AKAP13: variants seen among roughly 807,000 people sequenced by gnomAD.
AKAP13 encodes the protein A-kinase anchoring protein 13, also known as A-kinase anchor protein 13.
In AKAP13, 80 loss-of-function variants were observed where a neutral mutation model predicts 264.5. That is an observed-to-expected ratio of 0.30 (90% CI 0.25 to 0.36). The LOEUF is 0.36. Among genes scored for constraint, AKAP13 ranks in the 10% least tolerant of loss-of-function variants. The pLI is 1.00. For synonymous variants in AKAP13, 1,380 were observed against 1,250.2 expected (o/e 1.10, Z -2.19); for missense variants, 3,712 against 3,435.2 (o/e 1.08, Z -2.01).
chr15:85,596,119 G>C (rs1350293938), intron 8 of AKAP13, among the ~76,000 whole-genome samples: 1 of 152,172 alleles, frequency 6.6e-6, no homozygotes, highest in African/African-American at 2.4e-5. Flanking sequence ...AAGAAAGTTA[G>C]TTGATGGTGA....
intron 1 of AKAP13, among the ~76,000 whole-genome samples, chr15:85,399,234 C>T (rs534412665): frequency 7.9e-5 from 12 of 152,026 alleles, no homozygotes; most frequent in Non-Finnish European, 1.6e-4. Flanking sequence ...CGGTGGCTCA[C>T]GCCTGTAATC....
chr15:85,394,297 T>A (rs2071010620), intron 1 of AKAP13, among the ~76,000 whole-genome samples: 1 of 152,176 alleles, frequency 6.6e-6, no homozygotes, highest in South Asian at 2.1e-4. Flanking sequence ...GTTTTTTGGG[T>A]GTATATCTTC....
chr15:85,415,335 A>T (rs2072191137), intron 1 of AKAP13: 8 of 1,577,822 alleles, frequency 5.1e-6, no homozygotes, highest in Non-Finnish European at 6.1e-6. Flanking sequence ...AAAAATGGAC[A>T]CAATAGCCAA....
In AKAP13 at chr15:85,740,323, G is replaced by C. The variant is rs374090715; in HGVS notation, c.7608+51G>C. 1.4e-4 allele frequency: 224 copies of C among 1,598,450 alleles called. No individual in the cohort carries two copies. In the Middle Eastern group the frequency reaches 1.6e-3, roughly 11 times the overall value. The stretch of plus-strand genomic sequence containing the variant: ...GCGTTTATTTGTCTAGAGAACAGCA[G>C]CTTGGGGCTGTTGTTGACTTGGATC... On this transcript the variant is annotated intron_variant, in intron 34 of 36. Coordinates refer to ENST00000394518, the MANE Select transcript of AKAP13 (RefSeq NM_007200.5).
In AKAP13 at chr15:85,401,061, C is replaced by G. The variant is rs115175243; in HGVS notation, c.-12+20263C>G. Among the ~76,000 whole-genome samples the G allele has an allele frequency of 4.7e-3, 716 of 151,838 alleles. 7 individuals carry two copies. Among genetic ancestry groups the G allele is most frequent in the African/African-American group, 0.017 (686 of 41,396 alleles). On this transcript the variant is annotated intron_variant, in intron 1 of 36. Transcript: ENST00000394518. ...ATTTTTATTGGAGATTGGGTTTTAC[C>G]ATGTTCGTCAAGCTGATCTCAAACT...
chr15:85,443,821 G>T (rs1470411614), intron 1 of AKAP13, among the ~76,000 whole-genome samples: 1 of 151,280 alleles, frequency 6.6e-6, no homozygotes, highest in Non-Finnish European at 1.5e-5. Flanking sequence ...TCTGGAGCCT[G>T]ATTTTTCCTT....
intron 33 of AKAP13, among the ~76,000 whole-genome samples, chr15:85,736,482 C>T (rs536421530): frequency 2.0e-5 from 3 of 152,198 alleles, no homozygotes; most frequent in Admixed American, 6.5e-5. Context: ...TCGCCCAGCT[C>T]GCTGCAACCT....
chr15:85,639,522 G>C, intron 9 of AKAP13, 73 bp downstream of exon 9: 1 of 1,104,012 alleles, frequency 9.1e-7, no homozygotes, highest in Non-Finnish European at 1.4e-6. Flanking sequence ...TTGGAGATCT[G>C]CCCTTCCTTA....
At chr15:85,627,399 G>A (rs139484121) in intron 8 of AKAP13, among the ~76,000 whole-genome samples, 5 of 151,978 alleles carry the variant, frequency 3.3e-5, no homozygotes, top group East Asian at 1.9e-4. Flanking sequence ...CCTTTTATGT[G>A]CTTCCCAGTC....
chr15:85,736,059 T>G, intron 32 of AKAP13, 31 bp from the exon 33 acceptor site: 1 of 1,529,770 alleles, frequency 6.5e-7, no homozygotes, highest in Non-Finnish European at 9.0e-7. Flanking sequence ...AAGATCTTCA[T>G]TTTTTTATAT....
At chr15:85,554,021 C>T (rs544216936) in intron 5 of AKAP13, among the ~76,000 whole-genome samples, 3 of 152,204 alleles carry the variant, frequency 2.0e-5, no homozygotes, top group East Asian at 3.9e-4. Context: ...TGCTGGGGAC[C>T]GCTGGTTTAG....
At position 85,581,801 on chromosome 15, in the gene AKAP13, G is replaced by A; in HGVS notation, c.3733G>A (p.Ala1245Thr). The A allele has an allele frequency of 1.9e-6, 3 of 1,614,156 alleles. No homozygotes were observed. The highest frequency in any genetic ancestry group is 2.2e-5 in the East Asian group (1 of 44,870). The change falls in exon 7 of 37, where the codon GCA becomes ACA. Residue 1245 changes from alanine to threonine, a missense_variant. Around this residue, in one of 3 missense-constraint regions of AKAP13, gnomAD observed 2,759 missense variants for 2,411.7 expected, o/e 1.14. Transcript: ENST00000394518. Reference protein sequence around the residue: ...SAQDAPLPKGADLIEEAASRI... With the variant: ...SAQDAPLPKGTDLIEEAASRI... ...CCAGGACGCACCTCTGCCTAAGGGG[G>A]CAGACTTGATAGAGGAGGCTGCCAG...
intron 5 of AKAP13, among the ~76,000 whole-genome samples, chr15:85,566,890 A>G (rs1484361030): frequency 6.6e-6 from 1 of 152,000 alleles, no homozygotes; most frequent in Non-Finnish European, 1.5e-5. Flanking sequence ...GGCCTCCCAA[A>G]GTGCTGGGAT....
At chr15:85,422,798 A>ATT (rs35302928) in intron 1 of AKAP13, among the ~76,000 whole-genome samples, 1 of 152,038 alleles carries the variant, frequency 6.6e-6, no homozygotes, top group African/African-American at 2.4e-5. Flanking sequence ...TTAATATGAT[A>ATT]TTTTCTGGTT....
At chr15:85,415,097 T>A in intron 1 of AKAP13, 3 of 605,748 alleles carry the variant, frequency 5.0e-6, no homozygotes, top group Non-Finnish European at 2.9e-6. Flanking sequence ...AAATTCATAA[T>A]TTTTCTATAA....
At chr15:85,578,217 A>T (rs1005640191) in intron 6 of AKAP13, among the ~76,000 whole-genome samples, 4 of 152,210 alleles carry the variant, frequency 2.6e-5, no homozygotes, top group Non-Finnish European at 4.4e-5. Flanking sequence ...CAGGAGTTCA[A>T]GGCTGCGGTG....
chr15:85,382,066 T>C (rs1567029812), intron 1 of AKAP13: 1 of 152,202 alleles, frequency 6.6e-6, no homozygotes, highest in African/African-American at 2.4e-5. Context: ...TGGGTGCACA[T>C]ATTACACTTA....
chr15:85,475,670 G>A (rs1198745209), intron 1 of AKAP13, among the ~76,000 whole-genome samples: 1 of 152,140 alleles, frequency 6.6e-6, no homozygotes. Flanking sequence ...CTTCAGGCTG[G>A]ATTGCTTAAC....
intron 1 of AKAP13, among the ~76,000 whole-genome samples, chr15:85,454,873 G>C (rs1483712936): frequency 6.6e-6 from 1 of 152,160 alleles, no homozygotes; most frequent in East Asian, 1.9e-4. Flanking sequence ...CTCTTAACAG[G>C]CAGCAAGAAA....
Sources: allele counts gnomAD v4.1 joint callset (sites outside exome capture counted in the v4.1 genomes callset), GRCh38; gene constraint gnomAD v4.1.1; regional missense constraint gnomAD v4.1.1; transcripts MANE v1.5; gene names NCBI Gene and HGNC (gene_info 2026-07-23, HGNC 2026-07-21).